The following ANKRD36B variants were observed in gnomAD, a reference collection of about 807,000 sequenced individuals.
ANKRD36B encodes the protein ankyrin repeat domain-containing protein 36B.
In ANKRD36B, 37 loss-of-function variants were observed where a neutral mutation model predicts 135.7. The ratio of observed to expected loss-of-function variants is 0.27; its 90% CI spans 0.21 to 0.36. The LOEUF is 0.36. ANKRD36B is among the 10% of genes least tolerant of loss of function. The probability of loss-of-function intolerance (pLI) is 1.00; values close to 1 mark genes in which losing one functional copy is unlikely to be tolerated. For missense variants in ANKRD36B, 549 were observed against 1,037.1 expected, an observed-to-expected ratio of 0.53 and a Z score of 6.46; for synonymous variants, 179 against 348.1, an observed-to-expected ratio of 0.51 and a Z score of 5.41.
In ANKRD36B at chr2:97,548,165, A is replaced by C. The variant is rs1474390370; in HGVS notation, c.1478-434T>G. Among the ~76,000 whole-genome samples, 6 of 151,920 alleles carry C rather than the reference A, an allele frequency of 3.9e-5. No individual in the cohort carries two copies. In the East Asian group the frequency reaches 5.8e-4, roughly 15 times the overall value. On this transcript the variant is annotated intron_variant, in intron 20 of 43. Transcript: ENST00000359901. Reference sequence around the variant, plus strand: ...TACAAACATTCATCATGCTCTTTAAATTGCCCAATAACTGAGAAGGCACAC... The same window carrying C: ...TACAAACATTCATCATGCTCTTTAACTTGCCCAATAACTGAGAAGGCACAC...
In ANKRD36B at chr2:97,589,679, G is replaced by C; in HGVS notation, c.7C>G (p.Arg3Gly). The C allele has an allele frequency of 6.2e-7, 1 of 1,614,138 alleles. No homozygotes were observed. Among genetic ancestry groups the C allele is most frequent in the Non-Finnish European group, 8.5e-7 (1 of 1,180,018 alleles). ME[R>G]LCSDGFAFPH... ...AATGCGAAGCCATCCGAGCACAAGC[G>C]CTCCATGAGGGTGGGCCACCTCTCC... Residue 3 changes from arginine (R) to glycine (G), a missense_variant, in exon 1 of 44, where the codon CGC becomes GGC. By Grantham distance (125) the Arg-to-Gly change is moderately radical (BLOSUM62 -2). Coordinates refer to ENST00000359901, the MANE Select transcript of ANKRD36B (RefSeq NM_001393939.1).
Position 97,531,279 on chromosome 2 carries a change from C to A in ANKRD36B, c.2265+1032G>T, listed in dbSNP as rs2078579886. 3.5e-5 allele frequency among the ~76,000 whole-genome samples: 3 copies of A among 86,660 alleles called. 1 individual carries two copies. In the South Asian group the frequency reaches 7.7e-4, roughly 22 times the overall value. 56.9% of individuals were successfully genotyped at this position (86,660 alleles called of 152,430 possible). On this transcript the variant is annotated intron_variant, in intron 35 of 43. Coordinates refer to ENST00000359901, the MANE Select transcript of ANKRD36B (RefSeq NM_001393939.1). ...TAGGGACATGGATGAAATTGGAAATCATCATTCTCAGTAAACTATCGCAAG... is the reference window on the plus strand; with the variant it reads ...TAGGGACATGGATGAAATTGGAAATAATCATTCTCAGTAAACTATCGCAAG...
rs1218596863 is a variant in ANKRD36B, at chr2:97,528,409, C to T, written c.2265+3902G>A. 3.2e-5 allele frequency among the ~76,000 whole-genome samples: 3 copies of T among 94,170 alleles called. 1 individual carries two copies. The highest frequency in any genetic ancestry group is 8.4e-5 in the Non-Finnish European group (3 of 35,544). 61.8% of individuals were successfully genotyped at this position (94,170 alleles called of 152,430 possible). Reference sequence around the variant, plus strand: ...TCTGGGACACATTCAAAGCAGTGTACAGTGGGAAATTTATAGCACTAAATG... The same window carrying T: ...TCTGGGACACATTCAAAGCAGTGTATAGTGGGAAATTTATAGCACTAAATG... On this transcript the variant is annotated intron_variant, in intron 35 of 43. Coordinates refer to ENST00000359901, the MANE Select transcript of ANKRD36B (RefSeq NM_001393939.1).
intron 20 of ANKRD36B, 51 bp downstream of exon 20, chr2:97,549,368 C>A: frequency 6.6e-7 from 1 of 1,519,940 alleles, no homozygotes; most frequent in African/African-American, 1.4e-5. Flanking sequence ...GGGAAGAGAA[C>A]TTCTTATCTA....
intron 3 of ANKRD36B, among the ~76,000 whole-genome samples, chr2:97,584,485 A>G (rs66499661): frequency 0.14 from 19,837 of 146,672 alleles, 78 homozygotes; most frequent in Middle Eastern, 0.25. Context: ...ATCACTTTCA[A>G]ATGAAATCAC....
At chr2:97,589,144 C>T (rs1389638190) in intron 1 of ANKRD36B, among the ~76,000 whole-genome samples, 2 of 101,916 alleles carry the variant, frequency 2.0e-5, no homozygotes, top group Admixed American at 1.0e-4. Context: ...CACCCCTTTC[C>T]CCCACCCCAT....
rs567059192 is a variant in ANKRD36B at position 97,563,580 on chromosome 2, T to C, written c.764-2720A>G. Among the ~76,000 whole-genome samples the C allele has an allele frequency of 3.3e-5, 5 of 152,056 alleles. No homozygotes were observed. The East Asian group carries it at 9.7e-4, about 29-fold the overall frequency. The stretch of plus-strand genomic sequence containing the variant: ...AAGGGGTTCTAAATTGTGATCTGAG[T>C]AGTTTAGAGTTTAACATTCATGAAG... On this transcript the variant is annotated intron_variant, in intron 6 of 43. Transcript: ENST00000359901.
chr2:97,539,803 A>G lies in ANKRD36B; in HGVS notation c.1987+231T>C, dbSNP rs1462150036. On this transcript the variant is annotated intron_variant, in intron 30 of 43. Coordinates refer to ENST00000359901, the MANE Select transcript of ANKRD36B (RefSeq NM_001393939.1). ...CCCTTATGTCTTGACATGGTCTCCA[A>G]TGTTTCTTCTTCCCAATTTCAATGT... 4 of 254,080 alleles carry G rather than the reference A, an allele frequency of 1.6e-5. 1 individual carries two copies. The highest frequency in any genetic ancestry group is 5.3e-5 in the Admixed American group (1 of 18,930). The allele number at this position is 254,080 out of a possible 1,614,324, so 15.7% of individuals were successfully genotyped here.
chr2:97,551,088 T>C (rs2080011910), intron 18 of ANKRD36B, among the ~76,000 whole-genome samples: 1 of 151,874 alleles, frequency 6.6e-6, no homozygotes, highest in African/African-American at 2.4e-5. Context: ...AGTTGCAATG[T>C]GGGGATGTGT....
At chr2:97,586,376 A>G (rs1354278544) in intron 1 of ANKRD36B, among the ~76,000 whole-genome samples, 2 of 148,394 alleles carry the variant, frequency 1.3e-5, no homozygotes, top group Non-Finnish European at 3.0e-5. Flanking sequence ...ATCTTTCACT[A>G]TTTTCTAACT....
At chr2:97,528,144 T>G (rs1194815674) in intron 35 of ANKRD36B, among the ~76,000 whole-genome samples, 3 of 95,288 alleles carry the variant, frequency 3.1e-5, no homozygotes, top group Admixed American at 9.3e-5. Flanking sequence ...ATTGACCACA[T>G]AGTTGGAAGT....
chr2:97,577,130 C>T (rs1295553012), intron 5 of ANKRD36B, among the ~76,000 whole-genome samples: 2 of 150,098 alleles, frequency 1.3e-5, no homozygotes, highest in Non-Finnish European at 3.0e-5. Context: ...TATTATTGAG[C>T]TCATCAATTC....
At chr2:97,556,002 G>A (rs2080487356) in intron 12 of ANKRD36B, among the ~76,000 whole-genome samples, 1 of 151,726 alleles carries the variant, frequency 6.6e-6, no homozygotes, top group Non-Finnish European at 1.5e-5. Context: ...ATATTAATAA[G>A]CTTTTACATT....
intron 6 of ANKRD36B, among the ~76,000 whole-genome samples, chr2:97,562,905 T>C (rs1020710584): frequency 2.6e-5 from 4 of 152,036 alleles, no homozygotes; most frequent in African/African-American, 9.7e-5. Flanking sequence ...TCACATCGGT[T>C]TGAGTATCTA....
At position 97,545,523 on chromosome 2, in the gene ANKRD36B, C is replaced by A. The variant is rs547829042; in HGVS notation, c.1681+143G>T. On this transcript the variant is annotated intron_variant, in intron 24 of 43. Transcript: ENST00000359901. ...CAAGGACCACAGCATCAGGGTCACC[C>A]GAGAACTTATTACAAATGAATAATC... The A allele has an allele frequency of 8.0e-6, 4 of 499,418 alleles. 2 individuals are homozygous for A. The African/African-American group carries it at 8.6e-5, about 11-fold the overall frequency. 30.9% of individuals were successfully genotyped at this position (499,418 alleles called of 1,614,324 possible).
At chr2:97,559,480 G>A (rs1172766390) in intron 8 of ANKRD36B, among the ~76,000 whole-genome samples, 3 of 151,880 alleles carry the variant, frequency 2.0e-5, no homozygotes, top group Non-Finnish European at 2.9e-5. Context: ...TACACTTCAC[G>A]TCTCTTCGGT....
chr2:97,552,958 A>G (rs998925019), intron 16 of ANKRD36B, among the ~76,000 whole-genome samples: 2 of 151,920 alleles, frequency 1.3e-5, no homozygotes, highest in African/African-American at 2.4e-5. Flanking sequence ...AATGTGGGGA[A>G]GTGTATAATC....
At chr2:97,546,439 A>C (rs2079471596) in intron 22 of ANKRD36B, among the ~76,000 whole-genome samples, 2 of 151,724 alleles carry the variant, frequency 1.3e-5, no homozygotes, top group Non-Finnish European at 2.9e-5. Context: ...ATTATCTCTC[A>C]CACGCACGTG....
Position 97,539,956 on chromosome 2 carries a change from C to T in ANKRD36B, c.1987+78G>A. On this transcript the variant is annotated intron_variant, in intron 30 of 43. Coordinates refer to ENST00000359901, the MANE Select transcript of ANKRD36B (RefSeq NM_001393939.1). The stretch of plus-strand genomic sequence containing the variant: ...GGAATGTGCAGCTGCGACGAACCCC[C>T]CCGCTGATTTATTTGGGGAAGAGAA... The T allele has an allele frequency of 9.1e-6, 6 of 658,142 alleles. 2 individuals are homozygous for T. The highest frequency in any genetic ancestry group is 2.8e-5 in the Admixed American group (1 of 35,176). The allele number at this position is 658,142 out of a possible 1,614,324, so 40.8% of individuals were successfully genotyped here.
Sources: gnomAD v4.1 joint callset for allele counts (sites outside exome capture counted in the v4.1 genomes callset) on GRCh38, gnomAD v4.1.1 for gene constraint, MANE v1.5 for transcripts, NCBI Gene and HGNC (gene_info 2026-07-23, HGNC 2026-07-21) for gene names.